Variants in LEMD1 observed in about 807,000 individuals in gnomAD.
LEMD1 encodes the protein LEM domain containing 1.
A neutral mutation model predicts 17.4 loss-of-function variants in LEMD1; 18 were observed. The observed-to-expected ratio is 1.04, with a 90% CI of 0.72 to 1.54. The LOEUF (loss-of-function observed/expected upper bound fraction) is 1.54, where lower values mean the gene tolerates loss of function less well. Among genes scored for constraint, LEMD1 ranks in the 40% most tolerant of loss-of-function variants. The probability of loss-of-function intolerance (pLI) is 0.00; values close to 1 mark genes in which losing one functional copy is unlikely to be tolerated. For synonymous variants in LEMD1, 88 were observed against 77.8 expected (o/e 1.13, Z -0.69); for missense variants, 195 against 210.4 (o/e 0.93, Z 0.45).
chr1:205,421,352 A>AT (rs1300553788), intron 1 of LEMD1, among the ~76,000 whole-genome samples: 1 of 152,194 alleles, frequency 6.6e-6, no homozygotes, highest in Non-Finnish European at 1.5e-5. Context: ...TTTAAAGGAG[A>AT]TTTTTAAATT....
chr1:205,395,203 C>T (rs908759982), intron 4 of LEMD1, among the ~76,000 whole-genome samples: 6 of 151,958 alleles, frequency 3.9e-5, no homozygotes, highest in South Asian at 2.1e-4. Context: ...TGTAAAACAC[C>T]GATGGAAAAA....
chr1:205,388,294 T>C (rs1664142430), intron 4 of LEMD1, among the ~76,000 whole-genome samples: 1 of 151,840 alleles, frequency 6.6e-6, no homozygotes, highest in African/African-American at 2.4e-5. Flanking sequence ...GCCTCCCAGG[T>C]TCAAGTGATT....
rs1201733242 is a variant in LEMD1, at chr1:205,416,228, A to G, written c.270+4T>C. The stretch of plus-strand genomic sequence containing the variant: ...AAGTATTCAGGCATTAGAATGGTAC[A>G]TACTTTTTTGAGTTTCTTGCTTTTT... On this transcript the variant is annotated splice_donor_region_variant and intron_variant, in intron 4 of 5. Coordinates refer to ENST00000367153, the MANE Select transcript of LEMD1 (RefSeq NM_001199050.2). 6 of 1,526,352 alleles carry G rather than the reference A, an allele frequency of 3.9e-6. No individual in the cohort carries two copies. The highest frequency in any genetic ancestry group is 1.2e-5 in the South Asian group (1 of 83,506). 94.6% of individuals were successfully genotyped at this position (1,526,352 alleles called of 1,614,324 possible).
At chr1:205,419,427 A>G (rs1338909210) in intron 2 of LEMD1, 75 bp from the exon 3 acceptor site, 2 of 1,512,082 alleles carry the variant, frequency 1.3e-6, no homozygotes, top group East Asian at 2.3e-5. Flanking sequence ...AAGGTATTTC[A>G]TAACTCAGAA....
intron 1 of LEMD1, among the ~76,000 whole-genome samples, chr1:205,439,055 T>C (rs1217255493): frequency 6.6e-6 from 1 of 152,172 alleles, no homozygotes; most frequent in Non-Finnish European, 1.5e-5. Flanking sequence ...AGAAGTGACT[T>C]TTCTAGGATT....
intron 4 of LEMD1, among the ~76,000 whole-genome samples, chr1:205,408,188 C>T (rs897739772): frequency 2.6e-5 from 4 of 152,144 alleles, no homozygotes; most frequent in Admixed American, 6.5e-5. Flanking sequence ...AATGAATCAG[C>T]GTGGATTTCC....
At chr1:205,382,186 G>T (rs575307418) in intron 5 of LEMD1, 11 of 236,994 alleles carry the variant, frequency 4.6e-5, no homozygotes, top group Middle Eastern at 3.3e-3. Flanking sequence ...AAAAAATTTC[G>T]TAGGCCAGGT....
chr1:205,423,669 A>G (rs990248980), upstream of LEMD1, among the ~76,000 whole-genome samples: 3 of 152,214 alleles, frequency 2.0e-5, no homozygotes, highest in African/African-American at 7.2e-5. Context: ...TATTGTCAGC[A>G]TTATTCCATT....
At chr1:205,408,996 C>G (rs973141770) in intron 4 of LEMD1, among the ~76,000 whole-genome samples, 2 of 152,050 alleles carry the variant, frequency 1.3e-5, no homozygotes, top group African/African-American at 2.4e-5. Context: ...CACCACCACA[C>G]CGGGCTAATT....
intron 4 of LEMD1, among the ~76,000 whole-genome samples, chr1:205,394,604 C>T (rs1558713539): frequency 6.6e-6 from 1 of 152,112 alleles, no homozygotes; most frequent in Non-Finnish European, 1.5e-5. Context: ...GGGCTGGACT[C>T]GAACTTCTGA....
chr1:205,413,063 G>A (rs946588017), intron 4 of LEMD1, among the ~76,000 whole-genome samples: 3 of 152,122 alleles, frequency 2.0e-5, no homozygotes, highest in Non-Finnish European at 2.9e-5. Context: ...ATGTTTAAAC[G>A]GGAAGCTGAA....
intron 1 of LEMD1, chr1:205,440,457 C>T (rs572754605): frequency 2.0e-5 from 3 of 152,338 alleles, no homozygotes; most frequent in South Asian, 2.1e-4. Context: ...CTCACACTTC[C>T]GCCCTGGAGG....
rs539977002 is a variant in LEMD1, at chr1:205,441,971, G to C, written c.-39+7897C>G. Among the ~76,000 whole-genome samples the C allele has an allele frequency of 2.6e-5, 4 of 152,298 alleles. No homozygotes were observed. The highest frequency in any genetic ancestry group is 9.6e-5 in the African/African-American group (4 of 41,570). ...AGCTTCAGGAGCTCAGCTTCAGTCTGCAAGAGTATCCCTTTCTCCAAAGGC... is the reference window on the plus strand; with the variant it reads ...AGCTTCAGGAGCTCAGCTTCAGTCTCCAAGAGTATCCCTTTCTCCAAAGGC... On this transcript the variant is annotated intron_variant, in intron 1 of 3. Transcript: ENST00000367154. This position sits in a 1 kb window ranked among gnomAD's most constrained non-coding sequence, Gnocchi z 4.3.
upstream of LEMD1, among the ~76,000 whole-genome samples, chr1:205,426,611 C>G (rs537404914): frequency 2.0e-4 from 30 of 152,278 alleles, no homozygotes; most frequent in African/African-American, 7.0e-4. Context: ...ATATCATGAA[C>G]AAGGCTTGGG....
intron 1 of LEMD1, among the ~76,000 whole-genome samples, chr1:205,420,949 G>GT (rs5780280): frequency 0.024 from 3,287 of 139,600 alleles, 102 homozygotes; most frequent in African/African-American, 0.068. Context: ...GAGCTGAGAG[G>GT]TTTTTTTTTT....
At chr1:205,384,248 A>C in intron 5 of LEMD1, 40 bp downstream of exon 5, 1 of 1,224,984 alleles carries the variant, frequency 8.2e-7, no homozygotes, top group Non-Finnish European at 1.1e-6. Flanking sequence ...TACAGAATAC[A>C]ATAATATCAA....
chr1:205,399,174 C>T (rs1279616873), intron 4 of LEMD1, among the ~76,000 whole-genome samples: 1 of 150,662 alleles, frequency 6.6e-6, no homozygotes, highest in Non-Finnish European at 1.5e-5. Context: ...GAGATCACAC[C>T]ACTGCACTCC....
At chr1:205,410,164 C>T (rs1193728653) in intron 4 of LEMD1, among the ~76,000 whole-genome samples, 1 of 152,040 alleles carries the variant, frequency 6.6e-6, no homozygotes, top group African/African-American at 2.4e-5. Context: ...TCAAGTGATC[C>T]TCCTGCCTCA....
chr1:205,449,561 T>C (rs1666458701), intron 1 of LEMD1, among the ~76,000 whole-genome samples: 1 of 152,050 alleles, frequency 6.6e-6, no homozygotes. Flanking sequence ...GAATCCTGCA[T>C]TCCCCAACAA....
Sources: allele counts gnomAD v4.1 joint callset (sites outside exome capture counted in the v4.1 genomes callset), GRCh38; gene constraint gnomAD v4.1.1; non-coding constraint Gnocchi (gnomAD v3.1); transcripts MANE v1.5; gene names NCBI Gene and HGNC (gene_info 2026-07-23, HGNC 2026-07-21).